Variants in RACGAP1 observed in about 807,000 individuals in gnomAD.
RACGAP1 encodes Rac GTPase activating protein 1.
A neutral mutation model predicts 78.1 loss-of-function variants in RACGAP1; 30 were observed. The observed-to-expected ratio is 0.38, with a 90% CI of 0.29 to 0.52. RACGAP1 has a LOEUF of 0.52. Among genes scored for constraint, RACGAP1 ranks in the 20% least tolerant of loss-of-function variants. RACGAP1 has a pLI of 0.82. For synonymous variants in RACGAP1, 231 were observed against 264.8 expected (o/e 0.87, Z 1.24); for missense variants, 587 against 777.1 (o/e 0.76, Z 2.91).
At chr12:50,009,242 CAAAAA>C (rs397751749) in intron 2 of RACGAP1, among the ~76,000 whole-genome samples, 2 of 65,254 alleles carry the variant, frequency 3.1e-5, no homozygotes. Context: ...GATGCTGTCT[CAAAAA>C]AAAAAAAAAA....
At chr12:50,007,829 TA>T (rs747775220) in intron 2 of RACGAP1, among the ~76,000 whole-genome samples, 1 of 151,300 alleles carries the variant, frequency 6.6e-6, no homozygotes, top group Admixed American at 6.6e-5. Context: ...TATCAACAAT[TA>T]AAAAAATATT....
chr12:49,991,481 T>TATA (rs1592124066), intron 15 of RACGAP1, among the ~76,000 whole-genome samples: 3 of 9,178 alleles, frequency 3.3e-4, no homozygotes, highest in South Asian at 6.9e-3. Flanking sequence ...ATATATATAT[T>TATA]TTTTTTTTTT....
chr12:50,012,456 G>T (rs1949402330), intron 2 of RACGAP1, among the ~76,000 whole-genome samples: 1 of 152,134 alleles, frequency 6.6e-6, no homozygotes, highest in African/African-American at 2.4e-5. Context: ...AGCTACTCGG[G>T]AGGCTGAGGC....
chr12:50,012,227 T>C (rs1265053864), intron 2 of RACGAP1, among the ~76,000 whole-genome samples: 3 of 151,950 alleles, frequency 2.0e-5, no homozygotes, highest in East Asian at 3.9e-4. Context: ...GGGAGTTCAA[T>C]ATCAGCCTGG....
At chr12:50,031,227 A>T (rs985667176) in intron 2 of RACGAP1, among the ~76,000 whole-genome samples, 1 of 151,780 alleles carries the variant, frequency 6.6e-6, no homozygotes, top group Admixed American at 6.6e-5. Flanking sequence ...CTGTAATCCC[A>T]GCACTTTGGG....
chr12:49,995,813 G>C (rs1038132375), intron 10 of RACGAP1, among the ~76,000 whole-genome samples: 2 of 152,098 alleles, frequency 1.3e-5, no homozygotes, highest in Non-Finnish European at 2.9e-5. Flanking sequence ...TTTCTTAATG[G>C]ATTTAATCAG....
chr12:50,024,422 C>T (rs968285655), intron 1 of RACGAP1, among the ~76,000 whole-genome samples: 1 of 152,060 alleles, frequency 6.6e-6, no homozygotes, highest in African/African-American at 2.4e-5. Flanking sequence ...TGTCAAATAC[C>T]GCATGTTCTC....
intron 2 of RACGAP1, among the ~76,000 whole-genome samples, chr12:50,014,217 C>T (rs1949519496): frequency 6.6e-6 from 1 of 152,174 alleles, no homozygotes; most frequent in African/African-American, 2.4e-5. Context: ...GCAACATTTA[C>T]TAAATTAGGT....
intron 1 of RACGAP1, among the ~76,000 whole-genome samples, chr12:50,018,068 G>T (rs1045193410): frequency 6.6e-5 from 10 of 151,720 alleles, no homozygotes; most frequent in African/African-American, 2.4e-4. Context: ...TGAGGCAGGA[G>T]GATCGCTTGA....
intron 1 of RACGAP1, among the ~76,000 whole-genome samples, chr12:50,032,687 G>A (rs1256301575): frequency 6.6e-6 from 1 of 152,212 alleles, no homozygotes; most frequent in East Asian, 1.9e-4. Context: ...AGCTTTGAGA[G>A]CTGGTGCCAG....
intron 2 of RACGAP1, among the ~76,000 whole-genome samples, chr12:50,012,522 T>C (rs1949408210): frequency 1.3e-5 from 2 of 148,550 alleles, no homozygotes; most frequent in South Asian, 4.3e-4. Flanking sequence ...GATTGTGCCA[T>C]TGCACTCCAG....
chr12:49,991,480 T>TA (rs1555169073), intron 15 of RACGAP1, among the ~76,000 whole-genome samples: 307 of 12,806 alleles, frequency 0.024, 1 homozygote, highest in East Asian at 0.054. Flanking sequence ...TATATATATA[T>TA]TTTTTTTTTT....
intron 9 of RACGAP1, 86 bp downstream of exon 9, chr12:49,999,055 T>C: frequency 1.4e-6 from 2 of 1,401,666 alleles, no homozygotes; most frequent in Non-Finnish European, 1.9e-6. Context: ...TTTAACTTTA[T>C]AACACTAAAG....
At chr12:49,999,310 ATTTTGCTCCTTCTAAAT>A in intron 8 of RACGAP1, 39 bp from the exon 9 acceptor site, 1 of 1,572,086 alleles carries the variant, frequency 6.4e-7, no homozygotes, top group East Asian at 2.2e-5. Context: ...TGTCTTAAGT[ATTTTGCTCCTTCTAAAT>A]TTTAGCTCCA....
At position 50,016,820 on chromosome 12, in the gene RACGAP1, C is replaced by T; in HGVS notation, c.-4-101G>A. ...TTAGTGACCAACATCTGGACTCTTC[C>T]ATTTATAACTACCATTATAAGAATC... is the stretch of plus-strand genomic sequence containing the variant. On this transcript the variant is annotated intron_variant, in intron 1 of 16. Coordinates refer to ENST00000312377, the MANE Select transcript of RACGAP1 (RefSeq NM_001319999.2). 5 of 1,402,450 alleles carry T rather than the reference C, an allele frequency of 3.6e-6. No homozygotes were observed. In the South Asian group the frequency reaches 5.5e-5, roughly 15 times the overall value. 86.9% of individuals were successfully genotyped at this position (1,402,450 alleles called of 1,614,324 possible). A position where few individuals can be genotyped will look rare whatever the true frequency, so the allele number is the denominator to read the frequency against.
intron 2 of RACGAP1, among the ~76,000 whole-genome samples, chr12:50,006,998 A>G (rs1224615138): frequency 2.0e-5 from 3 of 152,238 alleles, no homozygotes; most frequent in African/African-American, 7.2e-5. Flanking sequence ...GCACCAGGAC[A>G]GTTACAGCTA....
At chr12:50,026,823 T>C (rs1461084139), upstream of RACGAP1, among the ~76,000 whole-genome samples, 1 of 152,164 alleles carries the variant, frequency 6.6e-6, no homozygotes, top group Admixed American at 6.5e-5. Context: ...TACAGGCACA[T>C]GATCAAGGTA....
chr12:49,996,985 C>T, intron 10 of RACGAP1, 55 bp downstream of exon 10: 1 of 1,410,048 alleles, frequency 7.1e-7, no homozygotes, highest in South Asian at 1.8e-5. Flanking sequence ...GACACTAAGC[C>T]TTTGAAAGGC....
chr12:50,022,643 C>A (rs1950072678), intron 1 of RACGAP1, among the ~76,000 whole-genome samples: 1 of 152,108 alleles, frequency 6.6e-6, no homozygotes, highest in African/African-American at 2.4e-5. Flanking sequence ...ATCTCACTAT[C>A]CTAAACAACT....
Sources: allele counts gnomAD v4.1 joint callset (sites outside exome capture counted in the v4.1 genomes callset), GRCh38; gene constraint gnomAD v4.1.1; transcripts MANE v1.5; gene names NCBI Gene and HGNC (gene_info 2026-07-23, HGNC 2026-07-21).